FOXJ3: variants seen among roughly 807,000 people sequenced by gnomAD.
FOXJ3 encodes forkhead box protein J3.
In FOXJ3, 22 loss-of-function variants were observed where a neutral mutation model predicts 76.1. The observed-to-expected ratio is 0.29, with a 90% CI of 0.21 to 0.41. The LOEUF is 0.41. Ranked by LOEUF, FOXJ3 falls within the 10% of genes least tolerant of loss-of-function variation. The pLI, the probability that FOXJ3 is intolerant of heterozygous loss-of-function variation, is 1.00. For missense variants in FOXJ3, 613 were observed against 762.1 expected (o/e 0.80, Z 2.30); for synonymous variants, 269 against 261.2 (o/e 1.03, Z -0.29).
At chr1:42,245,166 C>CAAAAA (rs4019583) in intron 4 of FOXJ3, among the ~76,000 whole-genome samples, 1 of 122,386 alleles carries the variant, frequency 8.2e-6, no homozygotes, top group Non-Finnish European at 1.7e-5. Flanking sequence ...AGACTCGTCT[C>CAAAAA]AAAAAAAAAA....
rs112821227 is a variant in FOXJ3, at chr1:42,181,812, G to GACACACAC, written c.1753+97_1753+104dup. Reference sequence around the variant, plus strand: ...CAATATTAAACTCTGGGTAATAACTGACACACACACACACACTCTCTCTCT... The same window carrying GACACACAC: ...CAATATTAAACTCTGGGTAATAACTGACACACACACACACACACACACACTCTCTCTCT... On this transcript the variant is annotated intron_variant, in intron 12 of 12. Coordinates refer to ENST00000361346, the MANE Select transcript of FOXJ3 (RefSeq NM_014947.5). 1.5e-5 allele frequency: 9 copies of GACACACAC among 611,554 alleles called. No homozygotes were observed. In the East Asian group the frequency reaches 1.5e-4, roughly 10 times the overall value. 37.9% of individuals were successfully genotyped at this position (611,554 alleles called of 1,614,324 possible). A position where few individuals can be genotyped will look rare whatever the true frequency, so the allele number is the denominator to read the frequency against.
chr1:42,223,290 C>A (rs979554289), intron 5 of FOXJ3, among the ~76,000 whole-genome samples: 5 of 152,166 alleles, frequency 3.3e-5, no homozygotes, highest in South Asian at 4.1e-4. Context: ...CTTCCTCTTG[C>A]AATGGGTTAT....
At chr1:42,324,308 CTATA>C (rs1348120481) in intron 1 of FOXJ3, among the ~76,000 whole-genome samples, 2 of 139,374 alleles carry the variant, frequency 1.4e-5, no homozygotes, top group South Asian at 2.2e-4. Context: ...TATATATACA[CTATA>C]TATACACGAG....
At chr1:42,287,701 C>T (rs1204629966) in intron 2 of FOXJ3, among the ~76,000 whole-genome samples, 1 of 152,138 alleles carries the variant, frequency 6.6e-6, no homozygotes, top group Admixed American at 6.5e-5. Context: ...TGGTTCACAC[C>T]TGTAATCCCA....
chr1:42,326,977 C>T (rs1344755574), intron 1 of FOXJ3, among the ~76,000 whole-genome samples: 1 of 152,204 alleles, frequency 6.6e-6, no homozygotes, highest in Non-Finnish European at 1.5e-5. Context: ...TAGCTTCTAT[C>T]TCATCTTCTC....
intron 4 of FOXJ3, among the ~76,000 whole-genome samples, chr1:42,228,802 T>C (rs1052401314): frequency 1.1e-4 from 16 of 151,368 alleles, no homozygotes; most frequent in Admixed American, 1.3e-4. Context: ...AAGAGGGGAG[T>C]TCAAGAAAGG....
At chr1:42,260,707 G>T (rs901728060) in intron 4 of FOXJ3, among the ~76,000 whole-genome samples, 1 of 152,128 alleles carries the variant, frequency 6.6e-6, no homozygotes, top group Non-Finnish European at 1.5e-5. Flanking sequence ...AATCCTGTAA[G>T]TTTCAAAAGT....
intron 4 of FOXJ3, among the ~76,000 whole-genome samples, chr1:42,237,027 C>T (rs1648696182): frequency 1.3e-5 from 2 of 151,942 alleles, no homozygotes; most frequent in South Asian, 4.2e-4. Context: ...TGTTATTAGA[C>T]TTTTTAGTAT....
intron 2 of FOXJ3, among the ~76,000 whole-genome samples, chr1:42,307,595 AAC>A (rs1257681919): frequency 6.6e-6 from 1 of 152,226 alleles, no homozygotes; most frequent in African/African-American, 2.4e-5. Context: ...TGAATGATAA[AAC>A]AGTCTCATGT....
chr1:42,199,587 T>C (rs1646718361), intron 6 of FOXJ3, among the ~76,000 whole-genome samples: 1 of 151,770 alleles, frequency 6.6e-6, no homozygotes, highest in Admixed American at 6.6e-5. Flanking sequence ...GCAAAATTAC[T>C]GTCTATCAGA....
chr1:42,250,606 C>T (rs992187238), intron 4 of FOXJ3, among the ~76,000 whole-genome samples: 8 of 151,986 alleles, frequency 5.3e-5, no homozygotes, highest in South Asian at 2.1e-4. Context: ...CACCTGAGGT[C>T]GGCAGTTTGA....
At chr1:42,329,506 C>G (rs968874901) in intron 1 of FOXJ3, among the ~76,000 whole-genome samples, 3 of 152,114 alleles carry the variant, frequency 2.0e-5, no homozygotes, top group African/African-American at 7.2e-5. Context: ...CCCTCTAGGA[C>G]TGAAAGGCTA....
chr1:42,283,437 T>C (rs1431102034), intron 2 of FOXJ3, among the ~76,000 whole-genome samples: 2 of 152,186 alleles, frequency 1.3e-5, no homozygotes, highest in African/African-American at 4.8e-5. Flanking sequence ...GTACACTGCG[T>C]GGCCTACCTC....
At chr1:42,335,268 CCACCGCCTCCTGCGGCGTCGCTG>C, upstream of FOXJ3, 1 of 152,170 alleles carries the variant, frequency 6.6e-6, no homozygotes, top group Middle Eastern at 3.4e-3. Context: ...GCCCTCGCCG[CCACCGCCTCCTGCGGCGTCGCTG>C]CGCCGCCGGC....
intron 1 of FOXJ3, among the ~76,000 whole-genome samples, chr1:42,324,188 AATATATATACT>A (rs1240123938): frequency 6.5e-5 from 1 of 15,484 alleles, no homozygotes; most frequent in African/African-American, 1.7e-4. Flanking sequence ...AAATTCTAGG[AATATATATACT>A]ATATATATAC....
At chr1:42,212,191 T>G (rs965912399) in intron 5 of FOXJ3, among the ~76,000 whole-genome samples, 1 of 152,052 alleles carries the variant, frequency 6.6e-6, no homozygotes, top group East Asian at 1.9e-4. Flanking sequence ...CAGGTGGAGG[T>G]TGAGCCAAGA....
At chr1:42,264,884 C>A (rs1651349403) in intron 4 of FOXJ3, 2 of 434,716 alleles carry the variant, frequency 4.6e-6, no homozygotes, top group South Asian at 7.0e-5. Flanking sequence ...CACAATACTT[C>A]AACCAAAGAT....
chr1:42,299,505 T>TGG (rs375897511), intron 2 of FOXJ3, among the ~76,000 whole-genome samples: 2 of 151,570 alleles, frequency 1.3e-5, no homozygotes, highest in African/African-American at 4.8e-5. Context: ...CCAGTGTGTG[T>TGG]GGGGGGGTCT....
At chr1:42,261,418 A>G (rs1034525992) in intron 4 of FOXJ3, among the ~76,000 whole-genome samples, 1 of 152,070 alleles carries the variant, frequency 6.6e-6, no homozygotes, top group Non-Finnish European at 1.5e-5. Flanking sequence ...TTTTTTAATA[A>G]AGTGGTAACA....
Sources: gnomAD v4.1 joint callset for allele counts (sites outside exome capture counted in the v4.1 genomes callset) on GRCh38, gnomAD v4.1.1 for gene constraint, MANE v1.5 for transcripts, NCBI Gene and HGNC (gene_info 2026-07-23, HGNC 2026-07-21) for gene names.